LCOR: variants seen among roughly 807,000 people sequenced by gnomAD.
LCOR encodes the protein ligand dependent nuclear receptor corepressor, also known as ligand-dependent corepressor.
LCOR carries 14 observed loss-of-function variants against 64.4 expected under a neutral mutation model. That is an observed-to-expected ratio of 0.22 (90% CI 0.14 to 0.34). The LOEUF (loss-of-function observed/expected upper bound fraction) is 0.34. Ranked by LOEUF, LCOR falls within the 10% of genes least tolerant of loss-of-function variation. The pLI is 1.00. For synonymous variants in LCOR, 643 were observed against 642.5 expected, an observed-to-expected ratio of 1.00 and a Z score of -0.01; for missense variants, 1,686 against 1,765.3, an observed-to-expected ratio of 0.96 and a Z score of 0.80.
intron 4 of LCOR, among the ~76,000 whole-genome samples, chr10:96,912,070 T>TA (rs1171964830): frequency 6.6e-6 from 1 of 152,048 alleles, no homozygotes; most frequent in East Asian, 1.9e-4. Context: ...TAGCTGTTAT[T>TA]ACAGACACAT....
rs762829797 is a variant in LCOR, at chr10:96,981,540, A to G, written c.1080A>G (p.Ser360=). 1 of 1,614,252 alleles carries G rather than the reference A, an allele frequency of 6.2e-7. No individual in the cohort carries two copies. Among genetic ancestry groups the G allele is most frequent in the Non-Finnish European group, 8.5e-7 (1 of 1,180,040 alleles). Reference sequence around the variant, plus strand: ...GGAACTCAGGGTTTATGGGGAACTCATCTAGAACTGCTGACAAAGAGAATA... The same window carrying G: ...GGAACTCAGGGTTTATGGGGAACTCGTCTAGAACTGCTGACAAAGAGAATA... ...EAWNSGFMGN[S]SRTADKENTL... The change falls in exon 8 of 8, where the codon TCA becomes TCG. Residue 360 remains serine (S), a synonymous_variant. Transcript: ENST00000421806.
At chr10:96,903,322 A>T (rs1196916663) in intron 2 of LCOR, among the ~76,000 whole-genome samples, 1 of 152,196 alleles carries the variant, frequency 6.6e-6, no homozygotes, top group Non-Finnish European at 1.5e-5. Context: ...ATCACCAAGC[A>T]GTAGGAATTT....
chr10:96,849,055 A>T (rs1254709648), intron 2 of LCOR, among the ~76,000 whole-genome samples: 6 of 89,312 alleles, frequency 6.7e-5, no homozygotes, highest in South Asian at 3.6e-4. Context: ...TCACCTGGCT[A>T]ATTGTCTTTT....
chr10:96,832,754 C>T (rs1303588439), intron 1 of LCOR, among the ~76,000 whole-genome samples: 4 of 151,074 alleles, frequency 2.6e-5, no homozygotes, highest in African/African-American at 9.7e-5. Flanking sequence ...GGCGCCGCCG[C>T]CGGCTTATTG....
At position 96,983,547 on chromosome 10, in the gene LCOR, G is replaced by C; in HGVS notation, c.3087G>C (p.Ser1029=). 1.2e-6 allele frequency: 2 copies of C among 1,614,092 alleles called. No homozygotes were observed. Among genetic ancestry groups the C allele is most frequent in the African/African-American group, 2.7e-5 (2 of 75,026 alleles). The change falls in exon 8 of 8, where the codon TCG becomes TCC. Residue 1029 remains serine (S), a synonymous_variant. Coordinates refer to ENST00000421806, the MANE Select transcript of LCOR (RefSeq NM_001346516.2). The surrounding 1 kb of genome is among the most constrained non-coding windows in gnomAD (Gnocchi z 4.5). The part of the protein sequence containing the change: ...GSGDAARAPK[S]VPRPKRLTSS... The stretch of plus-strand genomic sequence containing the variant: ...GTGATGCTGCTAGGGCACCAAAATC[G>C]GTGCCAAGGCCTAAAAGATTGACCT...
At chr10:96,895,136 C>T (rs1407930657) in intron 2 of LCOR, among the ~76,000 whole-genome samples, 3 of 152,088 alleles carry the variant, frequency 2.0e-5, no homozygotes, top group Admixed American at 2.0e-4. Flanking sequence ...TCAGTGTCTC[C>T]CTTTTAACTT....
chr10:96,951,021 G>A (rs1847669300), intron 6 of LCOR, among the ~76,000 whole-genome samples: 1 of 152,046 alleles, frequency 6.6e-6, no homozygotes, highest in African/African-American at 2.4e-5. Flanking sequence ...TCTGTTGCCT[G>A]TTTATTTCTA....
intron 2 of LCOR, among the ~76,000 whole-genome samples, chr10:96,868,964 G>T (rs919817614): frequency 6.6e-6 from 1 of 152,044 alleles, no homozygotes; most frequent in African/African-American, 2.4e-5. Flanking sequence ...GGAGTACAGT[G>T]GTACAATCTT....
rs1276838496 is a variant in LCOR, at chr10:96,989,055, C to G, written c.*3921C>G. On this transcript the variant is annotated 3_prime_UTR_variant, in exon 8 of 8. Coordinates refer to ENST00000421806, the MANE Select transcript of LCOR (RefSeq NM_001346516.2). ...TTTTCCTTCTCTCTTCTGCCCTTTT[C>G]TCTCTGTTCTTCTTTACTTCTCATT... 1 of 152,208 alleles carries G rather than the reference C, an allele frequency of 6.6e-6. No homozygotes were observed. The highest frequency in any genetic ancestry group is 1.5e-5 in the Non-Finnish European group (1 of 68,056). The allele number at this position is 152,208 out of a possible 1,614,324, so 9.4% of individuals were successfully genotyped here. A position where few individuals can be genotyped will look rare whatever the true frequency, so the allele number is the denominator to read the frequency against.
chr10:96,881,616 C>T (rs753623433), intron 2 of LCOR, among the ~76,000 whole-genome samples: 4 of 152,034 alleles, frequency 2.6e-5, no homozygotes, highest in Non-Finnish European at 5.9e-5. Flanking sequence ...GCCACCACGC[C>T]CGGCTATTTT....
rs536663042 is a variant in LCOR at position 96,874,710 on chromosome 10, T to C, written c.-329-32555T>C. Among the ~76,000 whole-genome samples, 284 of 151,940 alleles carry C rather than the reference T, an allele frequency of 1.9e-3. 1 individual carries two copies. Among genetic ancestry groups the C allele is most frequent in the African/African-American group, 6.7e-3 (278 of 41,422 alleles). ...TGGAGTGCAATGGTGCGATCTTGGC[T>C]CACTGCAACCTTTGCCTCCTGGGCT... On this transcript the variant is annotated intron_variant, in intron 2 of 7. Coordinates refer to ENST00000421806, the MANE Select transcript of LCOR (RefSeq NM_001346516.2).
chr10:96,849,190 C>T (rs768854288), intron 2 of LCOR, among the ~76,000 whole-genome samples: 2 of 149,508 alleles, frequency 1.3e-5, no homozygotes, highest in Non-Finnish European at 3.0e-5. Flanking sequence ...TCTCCTGCCT[C>T]AGCCTCCTTA....
chr10:96,840,248 T>C (rs1233343311), intron 2 of LCOR, among the ~76,000 whole-genome samples: 1 of 152,218 alleles, frequency 6.6e-6, no homozygotes, highest in Non-Finnish European at 1.5e-5. Context: ...TTGGTCTTCT[T>C]TTTATTCCTT....
Position 96,836,337 on chromosome 10 carries a change from G to T in LCOR, c.-330+2858G>T, listed in dbSNP as rs1219592550. ...GGGTTTGGCTATGTTGTCCAGGCTGGTCTCAAACTCCTCCTGTCTCAGCCT... is the reference window on the plus strand; with the variant it reads ...GGGTTTGGCTATGTTGTCCAGGCTGTTCTCAAACTCCTCCTGTCTCAGCCT... On this transcript the variant is annotated intron_variant, in intron 2 of 7. Coordinates refer to ENST00000421806, the MANE Select transcript of LCOR (RefSeq NM_001346516.2). 2.6e-5 allele frequency among the ~76,000 whole-genome samples: 4 copies of T among 152,084 alleles called. No individual in the cohort carries two copies. In the East Asian group the frequency reaches 7.7e-4, roughly 29 times the overall value.
chr10:96,974,099 G>A (rs1848019197), intron 7 of LCOR, among the ~76,000 whole-genome samples: 3 of 152,116 alleles, frequency 2.0e-5, no homozygotes, highest in Admixed American at 1.3e-4. Flanking sequence ...ATTAAAGATG[G>A]GGTTATGAAA....
chr10:96,957,678 C>T, intron 7 of LCOR: 2 of 985,374 alleles, frequency 2.0e-6, no homozygotes, highest in Non-Finnish European at 2.4e-6. Flanking sequence ...TAAATTCTTG[C>T]CTGGAAACTT....
intron 2 of LCOR, among the ~76,000 whole-genome samples, chr10:96,897,646 C>A (rs911707791): frequency 6.6e-6 from 1 of 152,114 alleles, no homozygotes; most frequent in Non-Finnish European, 1.5e-5. Flanking sequence ...GTATATCTTT[C>A]TTTTCCCTCC....
chr10:96,932,813 T>C (rs1847285247), intron 4 of LCOR, among the ~76,000 whole-genome samples: 1 of 152,326 alleles, frequency 6.6e-6, no homozygotes, highest in Non-Finnish European at 1.5e-5. Context: ...TGTTGCACCA[T>C]AGTACCCCGA....
Position 96,984,088 on chromosome 10 carries a change from G to A in LCOR, c.3628G>A (p.Val1210Ile), listed in dbSNP as rs201305477. 2.0e-5 allele frequency: 32 copies of A among 1,614,058 alleles called. No homozygotes were observed. The highest frequency in any genetic ancestry group is 7.7e-5 in the South Asian group (7 of 91,068). The change falls in exon 8 of 8, where the codon GTT becomes ATT. Residue 1210 changes from valine (V) to isoleucine (I), a missense_variant. Transcript: ENST00000421806. ...KKLNTRLPGD[V>I]PPVKHPLQKY... ...GCTCAATACTCGCCTTCCAGGAGAC[G>A]TTCCCCCTGTCAAGCATCCTCTTCA...
Sources: gnomAD v4.1 joint callset for allele counts (sites outside exome capture counted in the v4.1 genomes callset) on GRCh38, gnomAD v4.1.1 for gene constraint, Gnocchi (gnomAD v3.1) non-coding constraint, MANE v1.5 for transcripts, NCBI Gene and HGNC (gene_info 2026-07-23, HGNC 2026-07-21) for gene names.